Variants in OXNAD1 observed in about 807,000 individuals in gnomAD.
The protein encoded by OXNAD1 is oxidoreductase NAD binding domain containing 1.
A neutral mutation model predicts 32.9 loss-of-function variants in OXNAD1; 34 were observed. That is an observed-to-expected ratio of 1.03 (90% CI 0.79 to 1.38). The LOEUF is 1.38. Ranked by LOEUF, OXNAD1 falls within the 40% of genes most tolerant of loss-of-function variation. OXNAD1 has a pLI of 0.00. For synonymous variants in OXNAD1, 134 were observed against 135.2 expected (o/e 0.99, Z 0.06); for missense variants, 407 against 379.4 (o/e 1.07, Z -0.60).
chr3:16,294,979 C>T lies in OXNAD1; in HGVS notation c.414C>T (p.Ala138=). The change falls in exon 6 of 9, where the codon GCC becomes GCT. Residue 138 remains alanine, a synonymous_variant. Coordinates refer to ENST00000285083, the MANE Select transcript of OXNAD1 (RefSeq NM_138381.5). ...TGAAATATACGAACCACCCTCCTGCCCTCTGGGTTCACAATACGGTAAGCA... is the reference window on the plus strand; with the variant it reads ...TGAAATATACGAACCACCCTCCTGCTCTCTGGGTTCACAATACGGTAAGCA... The part of the protein sequence containing the change: ...LAVKYTNHPP[A]LWVHNTCTLD... 6.2e-7 allele frequency: 1 copy of T among 1,612,226 alleles called. No homozygotes were observed. Among genetic ancestry groups the T allele is most frequent in the Non-Finnish European group, 8.5e-7 (1 of 1,179,112 alleles).
Position 16,298,613 on chromosome 3 carries a change from C to A in OXNAD1, c.433-3013C>A, listed in dbSNP as rs375513393. ...TGAGGATTTGTCTTATTAAGCCATT[C>A]GAGTGGACAATGGAGGCACGTGAGT... On this transcript the variant is annotated intron_variant, in intron 6 of 8. Transcript: ENST00000285083. This position sits in a 1 kb window ranked among gnomAD's most constrained non-coding sequence, Gnocchi z 5.1. Among the ~76,000 whole-genome samples the A allele has an allele frequency of 6.6e-6, 1 of 152,012 alleles. No homozygotes were observed. Among genetic ancestry groups the A allele is most frequent in the Admixed American group, 6.6e-5 (1 of 15,262 alleles).
At position 16,289,585 on chromosome 3, in the gene OXNAD1, A is replaced by G. The variant is rs1235657122; in HGVS notation, c.290+3137A>G. Reference sequence around the variant, plus strand: ...ACCTACCCTTGAGCAGGGCTGCCACACTGTAGATAGATAATATCCTTGCAA... The same window carrying G: ...ACCTACCCTTGAGCAGGGCTGCCACGCTGTAGATAGATAATATCCTTGCAA... On this transcript the variant is annotated intron_variant, in intron 5 of 8. Transcript: ENST00000285083. This position sits in a 1 kb window ranked among gnomAD's most constrained non-coding sequence, Gnocchi z 4.9. 6.6e-6 allele frequency among the ~76,000 whole-genome samples: 1 copy of G among 150,838 alleles called. No homozygotes were observed. The highest frequency in any genetic ancestry group is 1.5e-5 in the Non-Finnish European group (1 of 67,516).
Position 16,345,788 on chromosome 3 carries a change from CTG to C in OXNAD1, c.*31-3359_*31-3358del, listed in dbSNP as rs370820242. 0.044 allele frequency among the ~76,000 whole-genome samples: 5,560 copies of C among 127,172 alleles called. 128 individuals are homozygous for C. The highest frequency in any genetic ancestry group is 0.06 in the Non-Finnish European group (3,518 of 58,600). The allele number at this position is 127,172 out of a possible 152,430, so 83.4% of individuals were successfully genotyped here. A position where few individuals can be genotyped will look rare whatever the true frequency, so the allele number is the denominator to read the frequency against. ...TGAGCCAAAACCTTATAATAAATCTCTGTGTGTGTGTGTGTGTGTGTGTGTGT... is the reference window on the plus strand; with the variant it reads ...TGAGCCAAAACCTTATAATAAATCTCTGTGTGTGTGTGTGTGTGTGTGTGT... On this transcript the variant is annotated intron_variant, in intron 9 of 9. Coordinates refer to the OXNAD1 transcript ENST00000606098. The surrounding 1 kb of genome is among the most constrained non-coding windows in gnomAD (Gnocchi z 5.2).
rs1169774281 is a variant in OXNAD1 at position 16,290,443 on chromosome 3, GT to G, written c.290+3997del. On this transcript the variant is annotated intron_variant, in intron 5 of 8. Transcript: ENST00000285083. The surrounding 1 kb of genome is among the most constrained non-coding windows in gnomAD (Gnocchi z 4.2). ...CTTTCCAGAGTTACTAGAGAAGAGG[GT>G]TGGTTCCCTTTCATTCAACTGAGAG... 6.6e-6 allele frequency among the ~76,000 whole-genome samples: 1 copy of G among 152,166 alleles called. No homozygotes were observed. The highest frequency in any genetic ancestry group is 1.5e-5 in the Non-Finnish European group (1 of 68,036).
rs1397974607 is a variant in OXNAD1, at chr3:16,329,162, T to A, written c.*31-7950T>A. ...TTCAGTCTCCTGCTCTCTCCCCTCT[T>A]TTCTGCGCTTCCGCCTCGGGATGAC... On this transcript the variant is annotated intron_variant, in intron 9 of 9. Transcript: ENST00000435829. This position sits in a 1 kb window ranked among gnomAD's most constrained non-coding sequence, Gnocchi z 4.5. Among the ~76,000 whole-genome samples, 2 of 152,188 alleles carry A rather than the reference T, an allele frequency of 1.3e-5. No individual in the cohort carries two copies. Among genetic ancestry groups the A allele is most frequent in the Admixed American group, 1.3e-4 (2 of 15,282 alleles).
At chr3:16,347,226 C>T (rs759682115) in intron 9 of OXNAD1, among the ~76,000 whole-genome samples, 5 of 152,250 alleles carry the variant, frequency 3.3e-5, no homozygotes, top group Admixed American at 1.3e-4. Flanking sequence ...AGACTTTTCA[C>T]ATGCAAACAT....
chr3:16,312,157 C>T lies in OXNAD1; in HGVS notation c.*30+8565C>T, dbSNP rs2068022281. ...CAACAGGAACCTGTGGTGAACATCA[C>T]TTTGCTTCCTTCTCTGGCAACAGCT... On this transcript the variant is annotated intron_variant, in intron 9 of 9. Coordinates refer to the OXNAD1 transcript ENST00000435829. The surrounding 1 kb of genome is among the most constrained non-coding windows in gnomAD (Gnocchi z 4.7). 1.3e-5 allele frequency among the ~76,000 whole-genome samples: 2 copies of T among 152,318 alleles called. No individual in the cohort carries two copies. Among genetic ancestry groups the T allele is most frequent in the South Asian group, 2.1e-4 (1 of 4,826 alleles).
chr3:16,278,702 C>CT (rs2065528105), intron 4 of OXNAD1, among the ~76,000 whole-genome samples: 1 of 152,216 alleles, frequency 6.6e-6, no homozygotes, highest in African/African-American at 2.4e-5. Context: ...ATATGACACT[C>CT]TGTTTAGACG....
intron 5 of OXNAD1, among the ~76,000 whole-genome samples, chr3:16,294,187 T>G (rs1309285746): frequency 6.6e-6 from 1 of 152,012 alleles, no homozygotes; most frequent in Non-Finnish European, 1.5e-5. Flanking sequence ...GGATGCCATC[T>G]GGACCTGAGC....
In OXNAD1 at chr3:16,269,268, C is replaced by G; in HGVS notation, c.-16C>G. 6.5e-7 allele frequency: 1 copy of G among 1,535,266 alleles called. No homozygotes were observed. Among genetic ancestry groups the G allele is most frequent in the Non-Finnish European group, 8.7e-7 (1 of 1,146,698 alleles). On this transcript the variant is annotated 5_prime_UTR_variant, in exon 2 of 9. Coordinates refer to ENST00000285083, the MANE Select transcript of OXNAD1 (RefSeq NM_138381.5). ...TTAATGACTCCTAAAATCTCGTGGA[C>G]TTCTAAGGTAAGTTTCAACTTCTTT...
chr3:16,283,661 GGA>G (rs1471192222), intron 4 of OXNAD1, among the ~76,000 whole-genome samples: 2 of 152,158 alleles, frequency 1.3e-5, no homozygotes, highest in African/African-American at 4.8e-5. Flanking sequence ...GAAGGTGGGA[GGA>G]GAGTAGTAGT....
At position 16,312,909 on chromosome 3, in the gene OXNAD1, GATAA is replaced by G. The variant is rs1393853321; in HGVS notation, c.*30+9322_*30+9325del. The stretch of plus-strand genomic sequence containing the variant: ...ACCTTTTTGTTACTTATAAACCATT[GATAA>G]ATAATTTAAGACTTTATAAATATTA... On this transcript the variant is annotated intron_variant, in intron 9 of 9. Transcript: ENST00000435829. The surrounding 1 kb of genome is among the most constrained non-coding windows in gnomAD (Gnocchi z 4.7). Among the ~76,000 whole-genome samples, 2 of 152,252 alleles carry G rather than the reference GATAA, an allele frequency of 1.3e-5. No individual in the cohort carries two copies. The highest frequency in any genetic ancestry group is 2.4e-5 in the African/African-American group (1 of 41,524).
Position 16,334,436 on chromosome 3 carries a change from G to C in OXNAD1, c.*31-2676G>C, listed in dbSNP as rs557955688. 4.6e-5 allele frequency among the ~76,000 whole-genome samples: 7 copies of C among 152,296 alleles called. No individual in the cohort carries two copies. The highest frequency in any genetic ancestry group is 1.7e-4 in the African/African-American group (7 of 41,552). ...GAATTTAACCTACGTATTAAAAAAT[G>C]AGAAATGCACAGAGTTATTCACTGG... On this transcript the variant is annotated intron_variant, in intron 9 of 9. Transcript: ENST00000435829. The surrounding 1 kb of genome is among the most constrained non-coding windows in gnomAD (Gnocchi z 4.3).
rs535059686 is a variant in OXNAD1, at chr3:16,321,492, C to T, written c.*31-15620C>T. On this transcript the variant is annotated intron_variant, in intron 9 of 9. Coordinates refer to the OXNAD1 transcript ENST00000435829. This position sits in a 1 kb window ranked among gnomAD's most constrained non-coding sequence, Gnocchi z 4.8. ...AGTGACTCTCGGTCACCAGGGGACA[C>T]AGGCCTGTGGGAGTAGGACGCTGAC... Among the ~76,000 whole-genome samples the T allele has an allele frequency of 1.4e-4, 21 of 152,260 alleles. No individual in the cohort carries two copies. The highest frequency in any genetic ancestry group is 5.1e-4 in the African/African-American group (21 of 41,550).
chr3:16,316,533 C>T lies in OXNAD1; in HGVS notation c.*30+12941C>T. ...ACAGGCACTGGATGGTCCAGACCCT[C>T]TGGCTGGAGGAGTGGTGGAGCCAGG... On this transcript the variant is annotated intron_variant, in intron 9 of 9. Coordinates refer to the OXNAD1 transcript ENST00000435829. This position sits in a 1 kb window ranked among gnomAD's most constrained non-coding sequence, Gnocchi z 4.5. 2.2e-6 allele frequency: 1 copy of T among 446,012 alleles called. No individual in the cohort carries two copies. Among genetic ancestry groups the T allele is most frequent in the Non-Finnish European group, 4.1e-6 (1 of 245,132 alleles). 27.6% of individuals were successfully genotyped at this position (446,012 alleles called of 1,614,324 possible).
chr3:16,311,474 T>C lies in OXNAD1; in HGVS notation c.*30+7882T>C, dbSNP rs537979329. ...TATAAAGACTTCACTTTTAGTGACTTTGTCTAATGTTGAATGTGTCAAACT... is the reference window on the plus strand; with the variant it reads ...TATAAAGACTTCACTTTTAGTGACTCTGTCTAATGTTGAATGTGTCAAACT... On this transcript the variant is annotated intron_variant, in intron 9 of 9. Transcript: ENST00000435829. Among the ~76,000 whole-genome samples the C allele has an allele frequency of 6.0e-4, 92 of 152,330 alleles. 2 individuals carry two copies. In the South Asian group the frequency reaches 0.018, roughly 30 times the overall value.
chr3:16,330,657 T>G (rs975766273), intron 9 of OXNAD1, among the ~76,000 whole-genome samples: 1 of 152,240 alleles, frequency 6.6e-6, no homozygotes, highest in African/African-American at 2.4e-5. Flanking sequence ...AAATGGAGCA[T>G]GTCCTGTGGT....
chr3:16,266,428 G>A (rs2672562), intron 1 of OXNAD1, among the ~76,000 whole-genome samples: 89,524 of 151,428 alleles, frequency 0.59, 26,635 homozygotes, highest in African/African-American at 0.66. Flanking sequence ...ACATGATGAA[G>A]CCCCGTCTTT....
chr3:16,313,131 G>A (rs992065831), intron 9 of OXNAD1, among the ~76,000 whole-genome samples: 5 of 148,260 alleles, frequency 3.4e-5, no homozygotes, highest in Admixed American at 2.0e-4. Flanking sequence ...CTGCACCCTC[G>A]ACCTCCTGGG....
Sources: allele counts gnomAD v4.1 joint callset (sites outside exome capture counted in the v4.1 genomes callset), GRCh38; gene constraint gnomAD v4.1.1; non-coding constraint Gnocchi (gnomAD v3.1); transcripts MANE v1.5; gene names NCBI Gene and HGNC (gene_info 2026-07-23, HGNC 2026-07-21).